The following BMPER variants were observed in gnomAD, a reference collection of about 807,000 sequenced individuals.
BMPER encodes BMP binding endothelial regulator.
BMPER carries 45 observed loss-of-function variants against 87.3 expected under a neutral mutation model. The observed-to-expected ratio is 0.52, with a 90% CI of 0.41 to 0.66. The LOEUF is 0.66. Among genes scored for constraint, BMPER ranks in the 30% least tolerant of loss-of-function variants. The pLI is 0.00. For missense variants in BMPER, 784 were observed against 867.5 expected (o/e 0.90, Z 1.21); for synonymous variants, 326 against 316.2 (o/e 1.03, Z -0.33).
chr7:34,060,699 G>A (rs974013665), intron 10 of BMPER, among the ~76,000 whole-genome samples: 3 of 152,334 alleles, frequency 2.0e-5, no homozygotes, highest in African/African-American at 4.8e-5. Context: ...AGTAGTGAGT[G>A]AGTGAATGAG....
chr7:33,980,230 G>A (rs993338437), intron 6 of BMPER, among the ~76,000 whole-genome samples: 2 of 152,174 alleles, frequency 1.3e-5, no homozygotes, highest in African/African-American at 4.8e-5. Flanking sequence ...TCAGAGTCCC[G>A]ATATTCATCA....
At chr7:34,011,078 G>A (rs1462613976) in intron 6 of BMPER, among the ~76,000 whole-genome samples, 1 of 151,866 alleles carries the variant, frequency 6.6e-6, no homozygotes, top group Non-Finnish European at 1.5e-5. Context: ...TTCTCTGAGA[G>A]TGGAATTTGT....
intron 6 of BMPER, among the ~76,000 whole-genome samples, chr7:33,999,931 G>A (rs1786533816): frequency 4.6e-5 from 7 of 152,282 alleles, no homozygotes; most frequent in Admixed American, 3.9e-4. Context: ...ATGAAGTGGA[G>A]ACCTCATCAA....
At chr7:33,949,365 G>C (rs1429257547) in intron 3 of BMPER, among the ~76,000 whole-genome samples, 1 of 152,148 alleles carries the variant, frequency 6.6e-6, no homozygotes, top group African/African-American at 2.4e-5. Flanking sequence ...CTTTGTCCTG[G>C]AGACAATCTT....
At chr7:34,111,560 A>G (rs1248833433) in intron 13 of BMPER, among the ~76,000 whole-genome samples, 1 of 152,208 alleles carries the variant, frequency 6.6e-6, no homozygotes, top group Non-Finnish European at 1.5e-5. Context: ...TTTGAATCTC[A>G]GCTGGCATTC....
rs1221751085 is a variant in BMPER at position 34,054,167 on chromosome 7, A to G, written c.787-996A>G. On this transcript the variant is annotated intron_variant, in intron 8 of 14. Transcript: ENST00000649409. ...TACCTCCCTTCTTACATTGCGAAGA[A>G]CTCCTTGAGGACAGAAGTACATTTA... 4.6e-5 allele frequency among the ~76,000 whole-genome samples: 7 copies of G among 151,786 alleles called. No individual in the cohort carries two copies. In the East Asian group the frequency reaches 1.4e-3, roughly 29 times the overall value.
chr7:34,026,667 G>A (rs1432051437), intron 6 of BMPER, among the ~76,000 whole-genome samples: 1 of 152,082 alleles, frequency 6.6e-6, no homozygotes, highest in Non-Finnish European at 1.5e-5. Flanking sequence ...TTATACAAGT[G>A]CTTTGTTGGT....
At chr7:34,021,624 G>T (rs2127946350) in intron 6 of BMPER, among the ~76,000 whole-genome samples, 1 of 152,100 alleles carries the variant, frequency 6.6e-6, no homozygotes, top group Non-Finnish European at 1.5e-5. Flanking sequence ...TAGGAGAATT[G>T]TGACTCATAT....
At chr7:34,086,592 A>T (rs1416379722) in intron 13 of BMPER, among the ~76,000 whole-genome samples, 2 of 152,228 alleles carry the variant, frequency 1.3e-5, no homozygotes, top group Non-Finnish European at 2.9e-5. Context: ...TAAGGAAGCA[A>T]AATGAGAATT....
At chr7:33,905,101 G>C (rs1023455262), upstream of BMPER, 10 of 167,774 alleles carry the variant, frequency 6.0e-5, no homozygotes, top group Admixed American at 3.0e-4. Context: ...GCGGCGGAGC[G>C]AGCGCGCTCC....
At chr7:34,147,976 GA>G (rs372584062) in intron 14 of BMPER, among the ~76,000 whole-genome samples, 1 of 152,242 alleles carries the variant, frequency 6.6e-6, no homozygotes, top group Non-Finnish European at 1.5e-5. Flanking sequence ...CAAATCCGGT[GA>G]TGTCACTCCA....
At chr7:33,915,956 G>T (rs1178794169) in intron 2 of BMPER, among the ~76,000 whole-genome samples, 1 of 152,140 alleles carries the variant, frequency 6.6e-6, no homozygotes, top group African/African-American at 2.4e-5. Context: ...GCTCTTGTCA[G>T]AATTGTAAGT....
intron 6 of BMPER, among the ~76,000 whole-genome samples, chr7:33,995,713 C>G (rs1401259627): frequency 1.3e-5 from 2 of 152,298 alleles, no homozygotes; most frequent in African/African-American, 4.8e-5. Context: ...GTGTTGCTTC[C>G]TTCTCTGTGT....
Position 34,156,043 on chromosome 7 carries a change from G to A in BMPER, c.*2770G>A, listed in dbSNP as rs1174933078. ...AGCTGGGAAGAAAAGATATCTCTTT[G>A]GCATCGACAAGAGCAATTTTTGTTA... On this transcript the variant is annotated 3_prime_UTR_variant, in exon 15 of 15. Transcript: ENST00000649409. Among the ~76,000 whole-genome samples the A allele has an allele frequency of 1.3e-5, 2 of 152,084 alleles. No individual in the cohort carries two copies. Among genetic ancestry groups the A allele is most frequent in the Admixed American group, 1.3e-4 (2 of 15,268 alleles).
intron 13 of BMPER, among the ~76,000 whole-genome samples, chr7:34,088,992 G>A (rs1432251342): frequency 2.0e-5 from 3 of 152,136 alleles, no homozygotes; most frequent in Admixed American, 1.3e-4. Flanking sequence ...AGAATGTCAT[G>A]TGTTCATTGT....
At chr7:34,129,524 G>A (rs987427388) in intron 13 of BMPER, among the ~76,000 whole-genome samples, 1 of 149,294 alleles carries the variant, frequency 6.7e-6, no homozygotes, top group Non-Finnish European at 1.5e-5. Context: ...GCGACAGAGC[G>A]AGACGCTGTC....
chr7:34,054,740 T>C (rs1374692090), intron 8 of BMPER, among the ~76,000 whole-genome samples: 1 of 152,206 alleles, frequency 6.6e-6, no homozygotes, highest in African/African-American at 2.4e-5. Flanking sequence ...AAAGATATCA[T>C]GCCTTTACGT....
At chr7:33,933,349 A>G (rs373375580) in intron 2 of BMPER, among the ~76,000 whole-genome samples, 1 of 152,236 alleles carries the variant, frequency 6.6e-6, no homozygotes, top group African/African-American at 2.4e-5. Context: ...GACAGCAGGT[A>G]GACCACTGGC....
At chr7:34,078,615 A>G (rs1286043233) in intron 11 of BMPER, among the ~76,000 whole-genome samples, 1 of 152,220 alleles carries the variant, frequency 6.6e-6, no homozygotes, top group Non-Finnish European at 1.5e-5. Context: ...AGGCTACAAA[A>G]TAGGCATGCT....
Sources: allele counts gnomAD v4.1 joint callset (sites outside exome capture counted in the v4.1 genomes callset), GRCh38; gene constraint gnomAD v4.1.1; transcripts MANE v1.5; gene names NCBI Gene and HGNC (gene_info 2026-07-23, HGNC 2026-07-21).